SCGN: variants seen among roughly 807,000 people sequenced by gnomAD.
The protein encoded by SCGN is secretagogin, EF-hand calcium binding protein.
In SCGN, 30 loss-of-function variants were observed where a neutral mutation model predicts 39.7. That is an observed-to-expected ratio of 0.76 (90% CI 0.57 to 1.03). The LOEUF (loss-of-function observed/expected upper bound fraction) is 1.03, where lower values mean the gene tolerates loss of function less well. SCGN is among the 50% of genes least tolerant of loss of function. The pLI, the probability that SCGN is intolerant of heterozygous loss-of-function variation, is 0.00. For synonymous variants in SCGN, 106 were observed against 114.1 expected (o/e 0.93, Z 0.45); for missense variants, 353 against 349.4 (o/e 1.01, Z -0.08).
intron 6 of SCGN, among the ~76,000 whole-genome samples, chr6:25,676,818 T>G (rs1305180628): frequency 2.0e-5 from 3 of 152,288 alleles, no homozygotes; most frequent in East Asian, 3.9e-4. Context: ...CATGAGAGCA[T>G]GAATCTTTGT....
chr6:25,679,769 G>A (rs1368700178), intron 6 of SCGN, among the ~76,000 whole-genome samples: 1 of 152,196 alleles, frequency 6.6e-6, no homozygotes, highest in African/African-American at 2.4e-5. Flanking sequence ...CTGAATTGGA[G>A]GGAAATCCAC....
chr6:25,674,359 T>C (rs1561765439), intron 6 of SCGN, among the ~76,000 whole-genome samples: 4 of 152,234 alleles, frequency 2.6e-5, no homozygotes, highest in Admixed American at 2.0e-4. Flanking sequence ...AGGTGACTTA[T>C]ACTTTTCAAC....
At chr6:25,677,945 A>C (rs1345744261) in intron 6 of SCGN, among the ~76,000 whole-genome samples, 3 of 152,352 alleles carry the variant, frequency 2.0e-5, no homozygotes, top group African/African-American at 7.2e-5. Context: ...AATGATTTTA[A>C]GTGATTTTGC....
At chr6:25,699,639 A>G (rs968899078) in intron 10 of SCGN, among the ~76,000 whole-genome samples, 1 of 151,540 alleles carries the variant, frequency 6.6e-6, no homozygotes, top group Non-Finnish European at 1.5e-5. Context: ...TGGAGGACAC[A>G]CTTTTCAGTG....
chr6:25,659,952 A>G (rs1461625355), intron 2 of SCGN, among the ~76,000 whole-genome samples: 1 of 152,200 alleles, frequency 6.6e-6, no homozygotes, highest in Admixed American at 6.5e-5. Flanking sequence ...TACAAAAAAA[A>G]CAGAAACATT....
At chr6:25,681,682 A>G (rs1759638885) in intron 6 of SCGN, among the ~76,000 whole-genome samples, 1 of 152,220 alleles carries the variant, frequency 6.6e-6, no homozygotes, top group Non-Finnish European at 1.5e-5. Context: ...GACAACATGA[A>G]GTAGAGCTGC....
At chr6:25,690,133 A>G (rs887876159) in intron 9 of SCGN, among the ~76,000 whole-genome samples, 1 of 152,200 alleles carries the variant, frequency 6.6e-6, no homozygotes, top group Non-Finnish European at 1.5e-5. Context: ...AGAAAACAGT[A>G]TCACCTGGGA....
At chr6:25,663,580 A>G (rs1307184445) in intron 3 of SCGN, among the ~76,000 whole-genome samples, 1 of 152,198 alleles carries the variant, frequency 6.6e-6, no homozygotes, top group Non-Finnish European at 1.5e-5. Context: ...CATTTTCCAA[A>G]TGAGGAAACT....
At position 25,681,950 on chromosome 6, in the gene SCGN, G is replaced by C. The variant is rs774836130; in HGVS notation, c.472-1G>C. On this transcript the variant is annotated splice_acceptor_variant, in intron 6 of 10. Transcript: ENST00000377961. LOFTEE classifies it high-confidence loss of function. ...CAACCATTTTCCCTTCTGCATTTCA[G>C]ATGAAGATTTTTGACAGAAATAAAG... 1 of 1,612,556 alleles carries C rather than the reference G, an allele frequency of 6.2e-7. No individual in the cohort carries two copies. The highest frequency in any genetic ancestry group is 8.5e-7 in the Non-Finnish European group (1 of 1,178,578).
Position 25,701,367 on chromosome 6 carries a change from T to C in SCGN, c.*32T>C, listed in dbSNP as rs139198517. ...ACTGCTTTGCCTTTTGCTCTTACTA[T>C]GTTTCTGTGATCTTGCTGGTAGAAT... On this transcript the variant is annotated 3_prime_UTR_variant, in exon 11 of 11. Transcript: ENST00000377961. The C allele has an allele frequency of 1.4e-4, 224 of 1,600,208 alleles. No homozygotes were observed. The East Asian group carries it at 4.7e-3, about 34-fold the overall frequency.
intron 10 of SCGN, among the ~76,000 whole-genome samples, chr6:25,692,233 T>C (rs755102013): frequency 5.9e-5 from 9 of 152,258 alleles, no homozygotes; most frequent in Non-Finnish European, 1.0e-4. Context: ...ATCTATTTAA[T>C]GTCAGAATGG....
chr6:25,697,383 G>T (rs763362272), intron 10 of SCGN, among the ~76,000 whole-genome samples: 5 of 152,174 alleles, frequency 3.3e-5, no homozygotes, highest in Non-Finnish European at 7.3e-5. Context: ...TATTTTGATT[G>T]GTAGAGAATT....
At chr6:25,652,556 G>A in intron 1 of SCGN, 71 bp downstream of exon 1, 1 of 1,436,526 alleles carries the variant, frequency 7.0e-7, no homozygotes, top group Admixed American at 1.7e-5. Flanking sequence ...GAAAGGACCT[G>A]GAGTTTCCCC....
Position 25,689,623 on chromosome 6 carries a change from A to T in SCGN, c.633+91A>T, listed in dbSNP as rs1042275080. 1.2e-5 allele frequency: 12 copies of T among 1,011,372 alleles called. No individual in the cohort carries two copies. In the East Asian group the frequency reaches 2.9e-4, roughly 24 times the overall value. 62.6% of individuals were successfully genotyped at this position (1,011,372 alleles called of 1,614,324 possible). ...GAGCCATCTTACCCAACAGACCCTA[A>T]ACTTACATGATGAATACCAATCCCA... On this transcript the variant is annotated intron_variant, in intron 9 of 10. Coordinates refer to ENST00000377961, the MANE Select transcript of SCGN (RefSeq NM_006998.4).
At chr6:25,692,465 C>T (rs1228888567) in intron 10 of SCGN, among the ~76,000 whole-genome samples, 2 of 152,196 alleles carry the variant, frequency 1.3e-5, no homozygotes, top group African/African-American at 2.4e-5. Flanking sequence ...CACCACCCCC[C>T]AGAGAGGTTT....
intron 1 of SCGN, among the ~76,000 whole-genome samples, chr6:25,653,173 A>G (rs9467550): frequency 0.077 from 11,733 of 152,110 alleles, 525 homozygotes; most frequent in Non-Finnish European, 0.096. Flanking sequence ...ACTAATATAA[A>G]CCCTAGCATA....
intron 10 of SCGN, among the ~76,000 whole-genome samples, chr6:25,695,046 T>C (rs1020022183): frequency 6.6e-6 from 1 of 152,196 alleles, no homozygotes; most frequent in South Asian, 2.1e-4. Context: ...AGTAAGCTTA[T>C]CTTATAGTTT....
chr6:25,681,977 T>C lies in SCGN; in HGVS notation c.498T>C (p.Asp166=). 3 of 1,613,780 alleles carry C rather than the reference T, an allele frequency of 1.9e-6. No individual in the cohort carries two copies. Among genetic ancestry groups the C allele is most frequent in the South Asian group, 1.1e-5 (1 of 91,074 alleles). Residue 166 remains aspartate (D), a synonymous_variant, in exon 7 of 11, where the codon GAT becomes GAC. Coordinates refer to ENST00000377961, the MANE Select transcript of SCGN (RefSeq NM_006998.4). ...TMMKIFDRNK[D]GRLDLNDLAR... Reference sequence around the variant, plus strand: ...TGAAGATTTTTGACAGAAATAAAGATGGTCGGTTGGATCTAAATGACTTAG... The same window carrying C: ...TGAAGATTTTTGACAGAAATAAAGACGGTCGGTTGGATCTAAATGACTTAG...
intron 2 of SCGN, 68 bp from the exon 3 acceptor site, chr6:25,661,484 A>G: frequency 1.9e-6 from 2 of 1,052,784 alleles, no homozygotes; most frequent in East Asian, 2.4e-5. Context: ...TATTTTGAAT[A>G]TTTGCCATCC....
Sources: allele counts gnomAD v4.1 joint callset (sites outside exome capture counted in the v4.1 genomes callset), GRCh38; gene constraint gnomAD v4.1.1; transcripts MANE v1.5; gene names NCBI Gene and HGNC (gene_info 2026-07-23, HGNC 2026-07-21).